Variants in IRAK3 observed in about 807,000 individuals in gnomAD.
IRAK3 encodes interleukin 1 receptor associated kinase 3.
In IRAK3, 57 loss-of-function variants were observed where a neutral mutation model predicts 56.6. The ratio of observed to expected loss-of-function variants is 1.01; its 90% CI spans 0.81 to 1.26. The LOEUF is 1.26. Among genes scored for constraint, IRAK3 ranks in the 50% most tolerant of loss-of-function variants. The pLI is 0.00. For synonymous variants in IRAK3, 258 were observed against 255.7 expected, an observed-to-expected ratio of 1.01 and a Z score of -0.09; for missense variants, 703 against 719.0, an observed-to-expected ratio of 0.98 and a Z score of 0.25.
Position 66,227,689 on chromosome 12 carries a change from CAT to C in IRAK3, c.769-562_769-561del, listed in dbSNP as rs143687005. Among the ~76,000 whole-genome samples the C allele has an allele frequency of 4.6e-3, 695 of 149,682 alleles. 11 individuals are homozygous for C. The highest frequency in any genetic ancestry group is 0.017 in the African/African-American group (671 of 40,618). On this transcript the variant is annotated intron_variant, in intron 7 of 11. Transcript: ENST00000261233. The stretch of plus-strand genomic sequence containing the variant: ...CAGGAGAGTTGCTTGAGCCCAGGGA[CAT>C]GGAGGCTGTAGTGAGCTATGATTCT...
At chr12:66,209,859 A>C (rs1009992408) in intron 3 of IRAK3, among the ~76,000 whole-genome samples, 1 of 152,178 alleles carries the variant, frequency 6.6e-6, no homozygotes, top group Non-Finnish European at 1.5e-5. Context: ...TTTTTATTAG[A>C]GCAAACTAGC....
At chr12:66,240,833 T>C (rs991441615) in intron 8 of IRAK3, among the ~76,000 whole-genome samples, 1 of 148,556 alleles carries the variant, frequency 6.7e-6, no homozygotes, top group Admixed American at 6.8e-5. Flanking sequence ...TATATATATA[T>C]AAAATATATC....
chr12:66,228,405 A>G (rs766513162), intron 8 of IRAK3, 35 bp downstream of exon 8: 1 of 1,403,818 alleles, frequency 7.1e-7, no homozygotes, highest in South Asian at 1.2e-5. Context: ...TATACCTGAA[A>G]GCTTCTTTTA....
At position 66,215,808 on chromosome 12, in the gene IRAK3, A is replaced by G. The variant is rs1259388789; in HGVS notation, c.589-1363A>G. 3.7e-3 allele frequency among the ~76,000 whole-genome samples: 348 copies of G among 94,814 alleles called. 5 individuals carry two copies. Among genetic ancestry groups the G allele is most frequent in the African/African-American group, 0.014 (339 of 23,426 alleles). 62.2% of individuals were successfully genotyped at this position (94,814 alleles called of 152,430 possible). ...CATGCACACACACACACACACACAC[A>G]CACACACACACACACACACACTTAT... On this transcript the variant is annotated intron_variant, in intron 5 of 11. Transcript: ENST00000261233.
chr12:66,250,344 C>A lies in IRAK3; in HGVS notation c.*2173C>A. The A allele has an allele frequency of 6.6e-6, 1 of 152,004 alleles. No homozygotes were observed. Among genetic ancestry groups the A allele is most frequent in the East Asian group, 1.9e-4 (1 of 5,184 alleles). 9.4% of individuals were successfully genotyped at this position (152,004 alleles called of 1,614,324 possible). On this transcript the variant is annotated 3_prime_UTR_variant, in exon 12 of 12. Coordinates refer to ENST00000261233, the MANE Select transcript of IRAK3 (RefSeq NM_007199.3). ...GGGTTAATCATATTCACATTAGATT[C>A]CATGTTGAAGAACAACTAATCAAAG...
At position 66,244,666 on chromosome 12, in the gene IRAK3, TG is replaced by T. The variant is rs1412284991; in HGVS notation, c.1069del (p.Val357SerfsTer7). On this transcript the variant is annotated frameshift_variant, in exon 9 of 12. Transcript: ENST00000261233. LOFTEE classifies it high-confidence loss of function. Reference protein sequence around the residue: ...RQGKLSIKTDVYSFGIVIMEV... With the variant: ...RQGKLSIKTDXYSFGIVIMEV... ...AGGGGAAACTTTCCATTAAAACAGA[TG>T]TCTACAGCTTTGGAATTGTGAGTAC... 2.4e-5 allele frequency: 39 copies of T among 1,613,608 alleles called. No homozygotes were observed. In the Admixed American group the frequency reaches 4.3e-4, roughly 18 times the overall value.
chr12:66,248,201 G>A lies in IRAK3; in HGVS notation c.*30G>A. ...TACCAGAAGATAAAGAAAAAAGCAAGTATTGCATAGGCACCTGAGCATAGG... is the reference window on the plus strand; with the variant it reads ...TACCAGAAGATAAAGAAAAAAGCAAATATTGCATAGGCACCTGAGCATAGG... On this transcript the variant is annotated 3_prime_UTR_variant, in exon 12 of 12. Coordinates refer to ENST00000261233, the MANE Select transcript of IRAK3 (RefSeq NM_007199.3). 11 of 1,514,302 alleles carry A rather than the reference G, an allele frequency of 7.3e-6. No homozygotes were observed. Among genetic ancestry groups the A allele is most frequent in the Non-Finnish European group, 1.0e-5 (11 of 1,089,720 alleles). 93.8% of individuals were successfully genotyped at this position (1,514,302 alleles called of 1,614,324 possible). A position where few individuals can be genotyped will look rare whatever the true frequency, so the allele number is the denominator to read the frequency against.
chr12:66,220,810 G>C (rs370446093), intron 6 of IRAK3, among the ~76,000 whole-genome samples: 1 of 152,018 alleles, frequency 6.6e-6, no homozygotes, highest in Non-Finnish European at 1.5e-5. Context: ...GTGAGCCACC[G>C]CGCCCGGCCT....
chr12:66,192,827 T>C (rs1255664889), intron 1 of IRAK3, among the ~76,000 whole-genome samples: 1 of 152,182 alleles, frequency 6.6e-6, no homozygotes, highest in African/African-American at 2.4e-5. Context: ...GTAGACACTC[T>C]TCCTATTTCC....
Position 66,217,250 on chromosome 12 carries a change from T to C in IRAK3, c.653+15T>C. The stretch of plus-strand genomic sequence containing the variant: ...GTTTTACTACTGTGAGTATGTTTTC[T>C]CTGGAATTTCCTCCTCTTTGTGCCT... On this transcript the variant is annotated intron_variant, in intron 6 of 11. Coordinates refer to ENST00000261233, the MANE Select transcript of IRAK3 (RefSeq NM_007199.3). 1 of 1,580,496 alleles carries C rather than the reference T, an allele frequency of 6.3e-7. No homozygotes were observed.
intron 1 of IRAK3, among the ~76,000 whole-genome samples, chr12:66,200,269 G>A (rs887040151): frequency 6.6e-6 from 1 of 152,182 alleles, no homozygotes; most frequent in African/African-American, 2.4e-5. Context: ...AAAAATCTCA[G>A]TGGTTTAACA....
rs139580480 is a variant in IRAK3, at chr12:66,250,786, A to T, written c.*2615A>T. The T allele has an allele frequency of 3.9e-5, 6 of 152,332 alleles. No individual in the cohort carries two copies. In the East Asian group the frequency reaches 1.2e-3, roughly 29 times the overall value. The allele number at this position is 152,332 out of a possible 1,614,324, so 9.4% of individuals were successfully genotyped here. On this transcript the variant is annotated 3_prime_UTR_variant, in exon 12 of 12. Coordinates refer to ENST00000261233, the MANE Select transcript of IRAK3 (RefSeq NM_007199.3). The stretch of plus-strand genomic sequence containing the variant: ...AAAGCAGGGTTTCTCAAACTGTAGT[A>T]TGCATCAGAATGACTTGGAAAGCTG...
At chr12:66,232,189 A>G (rs957338481) in intron 8 of IRAK3, among the ~76,000 whole-genome samples, 2 of 152,172 alleles carry the variant, frequency 1.3e-5, no homozygotes, top group Non-Finnish European at 2.9e-5. Context: ...GCTGCTGACA[A>G]TTGTTGCCTT....
At chr12:66,196,198 CTT>C in intron 1 of IRAK3, among the ~76,000 whole-genome samples, 1 of 152,192 alleles carries the variant, frequency 6.6e-6, no homozygotes, top group Middle Eastern at 3.4e-3. Flanking sequence ...TGCTGACTCT[CTT>C]AGCATCGAAA....
intron 2 of IRAK3, 93 bp downstream of exon 2, chr12:66,203,986 C>CA: frequency 4.4e-6 from 5 of 1,127,460 alleles, no homozygotes; most frequent in Non-Finnish European, 6.7e-6. Flanking sequence ...GACATTGACT[C>CA]ATGCTCTGTG....
intron 8 of IRAK3, among the ~76,000 whole-genome samples, chr12:66,231,349 CT>C: frequency 6.6e-6 from 1 of 151,670 alleles, no homozygotes; most frequent in Middle Eastern, 3.4e-3. Flanking sequence ...CCATTCTCTA[CT>C]TTAAAAAAAA....
At chr12:66,210,230 A>C in intron 4 of IRAK3, 29 bp downstream of exon 4, 1 of 1,369,838 alleles carries the variant, frequency 7.3e-7, no homozygotes, top group African/African-American at 1.4e-5. Context: ...TTTTCCAACA[A>C]TTTTTTTAAA....
chr12:66,245,720 G>GC (rs2053026127), intron 11 of IRAK3, among the ~76,000 whole-genome samples: 2 of 151,402 alleles, frequency 1.3e-5, no homozygotes, highest in Admixed American at 1.3e-4. Context: ...TTTAATAGAG[G>GC]CGGGGTTTCA....
At chr12:66,190,014 C>A (rs1165849455) in intron 1 of IRAK3, among the ~76,000 whole-genome samples, 2 of 152,142 alleles carry the variant, frequency 1.3e-5, no homozygotes, top group Non-Finnish European at 2.9e-5. Context: ...AAAAAATTGG[C>A]TTCAGAACTG....
Sources: gnomAD v4.1 joint callset for allele counts (sites outside exome capture counted in the v4.1 genomes callset) on GRCh38, gnomAD v4.1.1 for gene constraint, MANE v1.5 for transcripts, NCBI Gene and HGNC (gene_info 2026-07-23, HGNC 2026-07-21) for gene names.